ASIC2: variants seen among roughly 807,000 people sequenced by gnomAD.
ASIC2 encodes the protein acid-sensing ion channel 2.
ASIC2 carries 25 observed loss-of-function variants against 57.3 expected under a neutral mutation model. The ratio of observed to expected loss-of-function variants is 0.44; its 90% CI spans 0.32 to 0.61. The LOEUF (loss-of-function observed/expected upper bound fraction) is 0.61, where lower values mean the gene tolerates loss of function less well. ASIC2 is among the 20% of genes least tolerant of loss of function. ASIC2 has a pLI of 0.06. For synonymous variants in ASIC2, 319 were observed against 307.5 expected (o/e 1.04, Z -0.39); for missense variants, 641 against 738.1 (o/e 0.87, Z 1.52).
At chr17:33,344,425 G>C (rs539356685) in intron 1 of ASIC2, among the ~76,000 whole-genome samples, 1 of 152,264 alleles carries the variant, frequency 6.6e-6, no homozygotes, top group East Asian at 1.9e-4. Context: ...AATGTCTGGA[G>C]CAGATAGTAG....
At chr17:33,898,556 C>T (rs1044101281) in intron 1 of ASIC2, among the ~76,000 whole-genome samples, 2 of 152,112 alleles carry the variant, frequency 1.3e-5, no homozygotes, top group Non-Finnish European at 2.9e-5. Flanking sequence ...TCTTACCTAG[C>T]TTCCCGTAGT....
chr17:33,151,362 A>G (rs1410669255), intron 1 of ASIC2, among the ~76,000 whole-genome samples: 6 of 151,814 alleles, frequency 4.0e-5, no homozygotes, highest in Admixed American at 2.0e-4. Context: ...CGACAGAGAG[A>G]TACTTTGTCT....
At chr17:34,132,024 A>T (rs1485603275) in intron 1 of ASIC2, among the ~76,000 whole-genome samples, 1 of 152,178 alleles carries the variant, frequency 6.6e-6, no homozygotes, top group African/African-American at 2.4e-5. Context: ...ACCATCTCTT[A>T]TGCCCTATAA....
At chr17:33,650,304 A>T (rs1013498405) in intron 1 of ASIC2, among the ~76,000 whole-genome samples, 3 of 152,210 alleles carry the variant, frequency 2.0e-5, no homozygotes, top group African/African-American at 7.2e-5. Flanking sequence ...CTCTATCAGA[A>T]TGAATAAAAT....
At chr17:34,030,679 G>C (rs572682357) in intron 1 of ASIC2, among the ~76,000 whole-genome samples, 1 of 152,316 alleles carries the variant, frequency 6.6e-6, no homozygotes, top group South Asian at 2.1e-4. Context: ...TTTCCAATGG[G>C]CTTAAACAAC....
chr17:33,696,260 T>C lies in ASIC2; in HGVS notation c.555+459718A>G, dbSNP rs538744652. 8.5e-5 allele frequency among the ~76,000 whole-genome samples: 13 copies of C among 152,318 alleles called. No homozygotes were observed. In the South Asian group the frequency reaches 1.9e-3, roughly 22 times the overall value. ...CTGTTGTCAGATTCTGGCTCCTGGG[T>C]GACAGGCTTGTACAGACTGACCCAG... On this transcript the variant is annotated intron_variant, in intron 1 of 9. Coordinates refer to the ASIC2 transcript ENST00000359872.
intron 1 of ASIC2, among the ~76,000 whole-genome samples, chr17:33,462,683 G>A (rs1173333996): frequency 1.3e-5 from 2 of 152,210 alleles, no homozygotes; most frequent in Non-Finnish European, 2.9e-5. Context: ...ATATTACAGT[G>A]TCCCCTCCCT....
At chr17:33,492,260 G>A (rs927926870) in intron 1 of ASIC2, among the ~76,000 whole-genome samples, 4 of 152,130 alleles carry the variant, frequency 2.6e-5, no homozygotes, top group Admixed American at 6.5e-5. Flanking sequence ...CCCATTTCAC[G>A]GATGAGGAAA....
chr17:33,208,870 G>A (rs1205335284), intron 1 of ASIC2, among the ~76,000 whole-genome samples: 1 of 152,178 alleles, frequency 6.6e-6, no homozygotes, highest in African/African-American at 2.4e-5. Context: ...GGGCAGAGGT[G>A]TGGAGGAGTT....
intron 1 of ASIC2, among the ~76,000 whole-genome samples, chr17:33,146,931 G>C (rs141224947): frequency 6.6e-6 from 1 of 152,194 alleles, no homozygotes; most frequent in Non-Finnish European, 1.5e-5. Flanking sequence ...CCACTTTCCT[G>C]TGCTAATGTC....
Position 33,690,743 on chromosome 17 carries a change from GTTTT to G in ASIC2, c.555+465231_555+465234del, listed in dbSNP as rs527881591. 7.5e-3 allele frequency among the ~76,000 whole-genome samples: 611 copies of G among 81,664 alleles called. 2 individuals are homozygous for G. The highest frequency in any genetic ancestry group is 0.027 in the Admixed American group (164 of 5,966). 53.6% of individuals were successfully genotyped at this position (81,664 alleles called of 152,430 possible). On this transcript the variant is annotated intron_variant, in intron 1 of 9. Coordinates refer to the ASIC2 transcript ENST00000359872. ...GTAATCTAGACAGTTACTCTTCATT[GTTTT>G]TTTTTTTTTTTTTTTTTTTTGAGAC...
At position 34,088,424 on chromosome 17, in the gene ASIC2, G is replaced by A. The variant is rs1007615446; in HGVS notation, c.555+67554C>T. 1.2e-4 allele frequency among the ~76,000 whole-genome samples: 19 copies of A among 152,128 alleles called. No individual in the cohort carries two copies. In the South Asian group the frequency reaches 1.9e-3, roughly 15 times the overall value. ...GAAGTTTTGTCTCAGAGGAGTACCC[G>A]GCCGTGTGAAGTGTCAGTCTGCCCC... is the stretch of plus-strand genomic sequence containing the variant. On this transcript the variant is annotated intron_variant, in intron 1 of 9. Coordinates refer to the ASIC2 transcript ENST00000359872.
chr17:34,002,998 T>C (rs572492385), intron 1 of ASIC2: 2 of 152,240 alleles, frequency 1.3e-5, no homozygotes, highest in Non-Finnish European at 2.9e-5. Flanking sequence ...GAATGAATGA[T>C]GCCTATCAGA....
chr17:33,350,726 T>C (rs1251450722), intron 1 of ASIC2, among the ~76,000 whole-genome samples: 1 of 106,584 alleles, frequency 9.4e-6, no homozygotes, highest in Non-Finnish European at 1.8e-5. Flanking sequence ...ATTTAACCAC[T>C]AACTTCTCTC....
intron 1 of ASIC2, among the ~76,000 whole-genome samples, chr17:33,718,733 G>A (rs1041059289): frequency 6.6e-6 from 1 of 152,148 alleles, no homozygotes; most frequent in African/African-American, 2.4e-5. Context: ...GGGGGAGGAG[G>A]AAACAGTGGG....
chr17:34,047,806 A>G (rs938309276), intron 1 of ASIC2, among the ~76,000 whole-genome samples: 2 of 152,212 alleles, frequency 1.3e-5, no homozygotes, highest in African/African-American at 4.8e-5. Flanking sequence ...CTCATAAGTC[A>G]GTCAATATTC....
In ASIC2 at chr17:33,027,846, T is replaced by G. The variant is rs1369395519; in HGVS notation, c.1138+396A>C. Among the ~76,000 whole-genome samples the G allele has an allele frequency of 5.3e-5, 8 of 152,144 alleles. No individual in the cohort carries two copies. The South Asian group carries it at 1.2e-3, about 24-fold the overall frequency. ...TAGACTTTTGCCTCATTTGAAGGAG[T>G]GCTAGACATTTGGACACAAAAAGTG... On this transcript the variant is annotated intron_variant, in intron 4 of 9. Coordinates refer to ENST00000225823, the MANE Select transcript of ASIC2 (RefSeq NM_183377.2).
At chr17:33,224,418 G>C (rs1238710216) in intron 1 of ASIC2, among the ~76,000 whole-genome samples, 1 of 152,202 alleles carries the variant, frequency 6.6e-6, no homozygotes, top group African/African-American at 2.4e-5. Context: ...GAGGAGAGTG[G>C]TCAGAGGAGT....
intron 1 of ASIC2, among the ~76,000 whole-genome samples, chr17:33,376,222 A>G (rs1909271519): frequency 6.6e-6 from 1 of 152,182 alleles, no homozygotes; most frequent in African/African-American, 2.4e-5. Flanking sequence ...GAGTAAAAAG[A>G]CAGTCAAAAA....
Sources: allele counts gnomAD v4.1 joint callset (sites outside exome capture counted in the v4.1 genomes callset), GRCh38; gene constraint gnomAD v4.1.1; transcripts MANE v1.5; gene names NCBI Gene and HGNC (gene_info 2026-07-23, HGNC 2026-07-21).